COL14A1: variants seen among roughly 807,000 people sequenced by gnomAD.
COL14A1 encodes the protein collagen type XIV alpha 1 chain, also known as collagen alpha-1(XIV) chain.
Under a neutral mutation model 230.3 loss-of-function variants are expected in COL14A1, and 136 were observed. The observed-to-expected ratio is 0.59, with a 90% CI of 0.51 to 0.68. The LOEUF (loss-of-function observed/expected upper bound fraction) is 0.68. Ranked by LOEUF, COL14A1 falls within the 30% of genes least tolerant of loss-of-function variation. The pLI, the probability that COL14A1 is intolerant of heterozygous loss-of-function variation, is 0.00. For synonymous variants in COL14A1, 792 were observed against 784.1 expected, an observed-to-expected ratio of 1.01 and a Z score of -0.17; for missense variants, 1,976 against 2,215.8, an observed-to-expected ratio of 0.89 and a Z score of 2.17.
intron 6 of COL14A1, among the ~76,000 whole-genome samples, chr8:120,197,184 C>T (rs1303603788): frequency 5.9e-5 from 9 of 152,110 alleles, no homozygotes; most frequent in African/African-American, 2.2e-4. Flanking sequence ...TCAAGTTCTT[C>T]TCTGTTACTT....
At chr8:120,306,542 T>C (rs1820864217) in intron 36 of COL14A1, among the ~76,000 whole-genome samples, 1 of 152,208 alleles carries the variant, frequency 6.6e-6, no homozygotes, top group Admixed American at 6.5e-5. Flanking sequence ...TTCATGAATT[T>C]ACACAGTAGT....
chr8:120,371,693 GAC>G lies in COL14A1; in HGVS notation c.*464_*465del, dbSNP rs1039234393. The stretch of plus-strand genomic sequence containing the variant: ...TAACCTTGCTGATAAGAAAAAAAGG[GAC>G]AATATTGGAGAAACTACCTCTTGTT... On this transcript the variant is annotated 3_prime_UTR_variant, in exon 48 of 48. Transcript: ENST00000297848. The G allele has an allele frequency of 2.0e-4, 81 of 398,388 alleles. No individual in the cohort carries two copies. Among genetic ancestry groups the G allele is most frequent in the Middle Eastern group, 1.9e-3 (3 of 1,582 alleles). 24.7% of individuals were successfully genotyped at this position (398,388 alleles called of 1,614,324 possible).
chr8:120,134,740 C>A (rs111802774), intron 1 of COL14A1, among the ~76,000 whole-genome samples: 1 of 152,018 alleles, frequency 6.6e-6, no homozygotes, highest in East Asian at 1.9e-4. Context: ...TTTGGGAGGC[C>A]GAGGAAGTCA....
chr8:120,298,905 A>C (rs1820619634), intron 35 of COL14A1, among the ~76,000 whole-genome samples: 1 of 151,718 alleles, frequency 6.6e-6, no homozygotes, highest in African/African-American at 2.4e-5. Flanking sequence ...AGGCCTCAGG[A>C]AACTTACAAA....
intron 2 of COL14A1, among the ~76,000 whole-genome samples, chr8:120,154,546 G>T (rs1412207187): frequency 2.0e-5 from 3 of 152,152 alleles, no homozygotes; most frequent in Non-Finnish European, 4.4e-5. Flanking sequence ...CCTTTGGGAT[G>T]ATGTTTATAT....
chr8:120,215,138 G>T (rs1352829817), intron 13 of COL14A1, among the ~76,000 whole-genome samples: 1 of 152,220 alleles, frequency 6.6e-6, no homozygotes, highest in Non-Finnish European at 1.5e-5. Flanking sequence ...GGGAGGCCAA[G>T]GCAGGCAGAT....
Position 120,167,194 on chromosome 8 carries a change from A to C in COL14A1, c.350-967A>C, listed in dbSNP as rs529747672. ...ATGACAGATCTCAAACCATTTCAGC[A>C]AAGGGATGGAAGACAGTGGAAAGAA... On this transcript the variant is annotated intron_variant, in intron 4 of 47. Coordinates refer to ENST00000297848, the MANE Select transcript of COL14A1 (RefSeq NM_021110.4). 6.6e-5 allele frequency among the ~76,000 whole-genome samples: 10 copies of C among 152,280 alleles called. No homozygotes were observed. In the South Asian group the frequency reaches 2.1e-3, roughly 32 times the overall value.
chr8:120,255,394 T>C (rs1239148502), intron 23 of COL14A1, 38 bp downstream of exon 23: 1 of 1,444,830 alleles, frequency 6.9e-7, no homozygotes, highest in South Asian at 1.1e-5. Flanking sequence ...TGTCAAGCAT[T>C]TGTGTATTTG....
At chr8:120,266,265 A>G (rs1292829568) in intron 24 of COL14A1, among the ~76,000 whole-genome samples, 2 of 152,050 alleles carry the variant, frequency 1.3e-5, no homozygotes, top group African/African-American at 2.4e-5. Flanking sequence ...CTCATCCCAC[A>G]TAATCCAGGC....
intron 14 of COL14A1, among the ~76,000 whole-genome samples, chr8:120,224,779 C>A (rs921542059): frequency 2.0e-5 from 3 of 152,192 alleles, no homozygotes; most frequent in African/African-American, 7.2e-5. Context: ...AAGCAAAAAA[C>A]TGGCTGCTAC....
chr8:120,300,625 A>G (rs953202061), intron 35 of COL14A1, 107 bp from the exon 36 acceptor site: 8 of 826,938 alleles, frequency 9.7e-6, no homozygotes, highest in Non-Finnish European at 1.2e-5. Flanking sequence ...TCTAATGTGC[A>G]CTTGAAAATC....
At chr8:120,271,404 G>A (rs748957421) in intron 26 of COL14A1, among the ~76,000 whole-genome samples, 5 of 151,488 alleles carry the variant, frequency 3.3e-5, no homozygotes, top group African/African-American at 4.8e-5. Flanking sequence ...CAAGAGAAAA[G>A]GGACAGAGAC....
intron 33 of COL14A1, among the ~76,000 whole-genome samples, chr8:120,286,325 A>G (rs1325499076): frequency 2.0e-5 from 3 of 152,174 alleles, no homozygotes; most frequent in Admixed American, 6.5e-5. Context: ...CTAGCTATCT[A>G]TGAGTGCAGA....
chr8:120,323,065 TC>T (rs1821514706), intron 40 of COL14A1, among the ~76,000 whole-genome samples: 1 of 152,006 alleles, frequency 6.6e-6, no homozygotes, highest in Non-Finnish European at 1.5e-5. Context: ...CCAGCATCTG[TC>T]TTTTTGTTTA....
At chr8:120,264,266 T>A (rs1166854905) in intron 24 of COL14A1, among the ~76,000 whole-genome samples, 10 of 152,236 alleles carry the variant, frequency 6.6e-5, no homozygotes, top group Non-Finnish European at 1.5e-5. Flanking sequence ...TTGTGGTTTA[T>A]CCATGTTGTA....
At chr8:120,203,249 C>T (rs1018049071) in intron 8 of COL14A1, among the ~76,000 whole-genome samples, 1 of 151,680 alleles carries the variant, frequency 6.6e-6, no homozygotes, top group Admixed American at 6.6e-5. Context: ...AGCAATCTCA[C>T]ATGAAATGTT....
intron 26 of COL14A1, among the ~76,000 whole-genome samples, chr8:120,276,349 A>C (rs1819844462): frequency 6.7e-6 from 1 of 149,642 alleles, no homozygotes; most frequent in South Asian, 2.2e-4. Flanking sequence ...ATGGACTTGG[A>C]GACTCAGAGT....
chr8:120,297,403 T>C (rs908328663), intron 34 of COL14A1, 108 bp from the exon 35 acceptor site: 2 of 489,658 alleles, frequency 4.1e-6, no homozygotes, highest in Non-Finnish European at 6.6e-6. Flanking sequence ...CTTACTGTAA[T>C]GTATTATTAA....
intron 1 of COL14A1, among the ~76,000 whole-genome samples, chr8:120,129,785 A>T (rs1814468081): frequency 6.6e-6 from 1 of 152,194 alleles, no homozygotes; most frequent in South Asian, 2.1e-4. Context: ...CGAAGTGTAA[A>T]TTGTTTAGTT....
Sources: allele counts gnomAD v4.1 joint callset (sites outside exome capture counted in the v4.1 genomes callset), GRCh38; gene constraint gnomAD v4.1.1; transcripts MANE v1.5; gene names NCBI Gene and HGNC (gene_info 2026-07-23, HGNC 2026-07-21).